Variants in MMS22L observed in about 807,000 individuals in gnomAD.
MMS22L encodes MMS22 like, DNA repair protein, also known as protein MMS22-like.
In MMS22L, 74 loss-of-function variants were observed where a neutral mutation model predicts 159.1. The observed-to-expected ratio is 0.47, with a 90% CI of 0.39 to 0.56. The LOEUF is 0.56. Among genes scored for constraint, MMS22L ranks in the 20% least tolerant of loss-of-function variants. The pLI is 0.00. For synonymous variants in MMS22L, 517 were observed against 506.9 expected, an observed-to-expected ratio of 1.02 and a Z score of -0.27; for missense variants, 1,351 against 1,422.1, an observed-to-expected ratio of 0.95 and a Z score of 0.80.
At chr6:97,184,067 C>A (rs1203894583) in intron 15 of MMS22L, among the ~76,000 whole-genome samples, 1 of 152,142 alleles carries the variant, frequency 6.6e-6, no homozygotes, top group Non-Finnish European at 1.5e-5. Context: ...CTCTCCACTA[C>A]ATACAAACTG....
chr6:97,151,870 A>G lies in MMS22L; in HGVS notation c.3386-3T>C. ...GTTCTCTGTGGCCAGCCTTTTAACTAGAAGGAAAAATTACAGCATTAGGCA... is the reference window on the plus strand; with the variant it reads ...GTTCTCTGTGGCCAGCCTTTTAACTGGAAGGAAAAATTACAGCATTAGGCA... On this transcript the variant is annotated splice_polypyrimidine_tract_variant and splice_region_variant and intron_variant, in intron 22 of 24. Transcript: ENST00000683635. 9.9e-6 allele frequency: 16 copies of G among 1,612,546 alleles called. No homozygotes were observed. Among genetic ancestry groups the G allele is most frequent in the Non-Finnish European group, 1.3e-5 (15 of 1,178,748 alleles).
intron 14 of MMS22L, among the ~76,000 whole-genome samples, chr6:97,195,765 G>A (rs1002154503): frequency 2.6e-5 from 4 of 152,132 alleles, no homozygotes; most frequent in African/African-American, 9.7e-5. Flanking sequence ...ATCAGGTAAT[G>A]GCAAACAGAA....
chr6:97,229,335 CTAAAAAAGTTCTG>C lies in MMS22L; in HGVS notation c.1585_1597del (p.Gln529AlafsTer6). 1 of 1,612,260 alleles carries C rather than the reference CTAAAAAAGTTCTG, an allele frequency of 6.2e-7. No homozygotes were observed. The highest frequency in any genetic ancestry group is 8.5e-7 in the Non-Finnish European group (1 of 1,179,378). ...AACAGCTGCTAACAGTAGAAAAAGG[CTAAAAAAGTTCTG>C]TAGACCAACTTCAGTTAGTTCTTCC... On this transcript the variant is annotated frameshift_variant, in exon 14 of 25. Transcript: ENST00000683635. LOFTEE classifies it high-confidence loss of function.
At chr6:97,169,737 G>A (rs1019288704) in intron 19 of MMS22L, among the ~76,000 whole-genome samples, 4 of 152,052 alleles carry the variant, frequency 2.6e-5, no homozygotes, top group African/African-American at 9.7e-5. Flanking sequence ...AATATTAGAA[G>A]AACTTATATT....
chr6:97,167,663 T>C (rs1803103190), intron 20 of MMS22L, among the ~76,000 whole-genome samples: 2 of 152,112 alleles, frequency 1.3e-5, no homozygotes, highest in Admixed American at 6.6e-5. Flanking sequence ...AACCATTCTA[T>C]ATTTTCTTAA....
chr6:97,279,700 CG>C (rs1159808890), intron 3 of MMS22L, among the ~76,000 whole-genome samples: 2 of 150,012 alleles, frequency 1.3e-5, no homozygotes, highest in Non-Finnish European at 3.0e-5. Flanking sequence ...GGCAAAGAAG[CG>C]CTTAAACTCG....
intron 9 of MMS22L, among the ~76,000 whole-genome samples, chr6:97,256,756 A>G (rs1260827109): frequency 1.3e-5 from 2 of 152,064 alleles, no homozygotes; most frequent in Non-Finnish European, 2.9e-5. Context: ...TTCGAGACCA[A>G]CCTGGGCAGA....
chr6:97,252,236 T>C (rs946451826), intron 10 of MMS22L, among the ~76,000 whole-genome samples: 25 of 152,094 alleles, frequency 1.6e-4, no homozygotes, highest in African/African-American at 5.8e-4. Context: ...GGGGTCAATA[T>C]CAACTAATAT....
chr6:97,254,805 T>A, intron 9 of MMS22L, 72 bp from the exon 10 acceptor site: 1 of 1,253,092 alleles, frequency 8.0e-7, no homozygotes, highest in South Asian at 1.7e-5. Context: ...TTTTTCTCTA[T>A]TTTTATAATG....
chr6:97,208,645 G>C (rs1333584693), intron 14 of MMS22L, among the ~76,000 whole-genome samples: 1 of 151,914 alleles, frequency 6.6e-6, no homozygotes, highest in Admixed American at 6.6e-5. Context: ...TCAAGCAGAC[G>C]GATTAAGGGA....
At chr6:97,211,267 A>C (rs907714434) in intron 14 of MMS22L, among the ~76,000 whole-genome samples, 3 of 152,072 alleles carry the variant, frequency 2.0e-5, no homozygotes, top group Admixed American at 2.0e-4. Flanking sequence ...AAAATACATA[A>C]AATGCAAATT....
At chr6:97,197,683 G>A (rs1478416737) in intron 14 of MMS22L, among the ~76,000 whole-genome samples, 1 of 152,116 alleles carries the variant, frequency 6.6e-6, no homozygotes, top group African/African-American at 2.4e-5. Context: ...AATTCTCATA[G>A]AAGAAAAAAG....
chr6:97,257,396 AT>A (rs1304585944), intron 9 of MMS22L, among the ~76,000 whole-genome samples: 1 of 152,168 alleles, frequency 6.6e-6, no homozygotes, highest in African/African-American at 2.4e-5. Context: ...TATACCACTC[AT>A]AACCTTGATA....
intron 11 of MMS22L, among the ~76,000 whole-genome samples, chr6:97,236,726 C>T (rs1368567306): frequency 1.3e-5 from 2 of 152,016 alleles, no homozygotes; most frequent in African/African-American, 2.4e-5. Context: ...CCAAGGAGGG[C>T]AGATCACCAG....
At position 97,278,887 on chromosome 6, in the gene MMS22L, T is replaced by C; in HGVS notation, c.302A>G (p.Tyr101Cys). The C allele has an allele frequency of 6.2e-7, 1 of 1,613,268 alleles. No homozygotes were observed. Among genetic ancestry groups the C allele is most frequent in the Non-Finnish European group, 8.5e-7 (1 of 1,179,650 alleles). The change falls in exon 4 of 25, where the codon TAC becomes TGC. Residue 101 changes from tyrosine to cysteine, a missense_variant. Transcript: ENST00000683635. ...GGACTGTAACAAGGTTTCCAAGTTG[T>C]ACAGTTGTTGCCTAATTTTAAAAAT... ...ELFHLFRQQL[Y>C]NLETLLQSSC...
chr6:97,276,943 A>G (rs1816295622), intron 4 of MMS22L, among the ~76,000 whole-genome samples: 1 of 152,192 alleles, frequency 6.6e-6, no homozygotes. Flanking sequence ...ATTCGTCAGT[A>G]CCTTGCAAAG....
intron 4 of MMS22L, among the ~76,000 whole-genome samples, chr6:97,273,603 A>T (rs1432115760): frequency 6.6e-6 from 1 of 152,212 alleles, no homozygotes; most frequent in Non-Finnish European, 1.5e-5. Flanking sequence ...GATTGCTCAG[A>T]CAGTGCAAAT....
intron 14 of MMS22L, among the ~76,000 whole-genome samples, chr6:97,194,768 AC>A (rs1806300774): frequency 6.6e-6 from 1 of 152,232 alleles, no homozygotes. Context: ...GGGGGGAAGC[AC>A]AAGAAAATGG....
intron 14 of MMS22L, among the ~76,000 whole-genome samples, chr6:97,196,945 T>C (rs1346567982): frequency 1.3e-5 from 2 of 152,150 alleles, no homozygotes; most frequent in African/African-American, 2.4e-5. Context: ...TCTCATCTAA[T>C]AAAAGTGAGC....
Sources: gnomAD v4.1 joint callset for allele counts (sites outside exome capture counted in the v4.1 genomes callset) on GRCh38, gnomAD v4.1.1 for gene constraint, MANE v1.5 for transcripts, NCBI Gene and HGNC (gene_info 2026-07-23, HGNC 2026-07-21) for gene names.